FAT3: variants seen among roughly 807,000 people sequenced by gnomAD.
FAT3 encodes FAT atypical cadherin 3, also known as protocadherin Fat 3.
Under a neutral mutation model 310.2 loss-of-function variants are expected in FAT3, and 95 were observed. That is an observed-to-expected ratio of 0.31 (90% confidence interval 0.26 to 0.36). The LOEUF (loss-of-function observed/expected upper bound fraction) is 0.36, where lower values mean the gene tolerates loss of function less well. FAT3 is among the 10% of genes least tolerant of loss of function. The probability of loss-of-function intolerance (pLI) is 1.00; values close to 1 mark genes in which losing one functional copy is unlikely to be tolerated. For synonymous variants in FAT3, 2,314 were observed against 2,192.9 expected (o/e 1.06, Z -1.54); for missense variants, 5,408 against 5,715.6 (o/e 0.95, Z 1.74).
chr11:92,780,102 C>G (rs919761121), intron 7 of FAT3, among the ~76,000 whole-genome samples: 1 of 152,020 alleles, frequency 6.6e-6, no homozygotes. Context: ...GAGTCCTCAC[C>G]TACACAACTA....
At chr11:92,409,756 C>A (rs1246697226) in intron 2 of FAT3, among the ~76,000 whole-genome samples, 1 of 152,110 alleles carries the variant, frequency 6.6e-6, no homozygotes, top group South Asian at 2.1e-4. Context: ...AGCATGATTG[C>A]AGGGTAGTGC....
chr11:92,359,613 A>G (rs139484186), intron 2 of FAT3, among the ~76,000 whole-genome samples: 9,268 of 145,562 alleles, frequency 0.064, 991 homozygotes, highest in African/African-American at 0.22. Context: ...ATATCTCCCA[A>G]TGCTATCCCT....
At chr11:92,436,053 A>G (rs1022696142) in intron 2 of FAT3, among the ~76,000 whole-genome samples, 2 of 152,086 alleles carry the variant, frequency 1.3e-5, no homozygotes, top group Admixed American at 6.5e-5. Context: ...CATCCTAACA[A>G]TTCACAGGCC....
intron 1 of FAT3, among the ~76,000 whole-genome samples, chr11:92,276,432 C>G (rs1340616095): frequency 6.6e-6 from 1 of 152,140 alleles, no homozygotes; most frequent in Admixed American, 6.6e-5. Context: ...ACGCCAGGAT[C>G]TTGACCTTGG....
At chr11:92,639,797 G>T (rs890904235) in intron 3 of FAT3, among the ~76,000 whole-genome samples, 1 of 152,174 alleles carries the variant, frequency 6.6e-6, no homozygotes, top group Middle Eastern at 3.4e-3. Flanking sequence ...TAGCATTATG[G>T]GCTATCTGGG....
At chr11:92,594,597 C>T (rs1939609489) in intron 3 of FAT3, among the ~76,000 whole-genome samples, 1 of 152,110 alleles carries the variant, frequency 6.6e-6, no homozygotes, top group African/African-American at 2.4e-5. Flanking sequence ...CACATCTTTT[C>T]AGTACCTAGT....
At chr11:92,613,042 A>T (rs189722726) in intron 3 of FAT3, among the ~76,000 whole-genome samples, 13 of 152,334 alleles carry the variant, frequency 8.5e-5, no homozygotes, top group African/African-American at 3.1e-4. Context: ...ACCTCACTGA[A>T]AATGTATCCT....
chr11:92,884,930 G>A (rs1949764095), intron 24 of FAT3, among the ~76,000 whole-genome samples: 1 of 152,188 alleles, frequency 6.6e-6, no homozygotes, highest in South Asian at 2.1e-4. Flanking sequence ...CTACATGTGG[G>A]CTTTGGGCAG....
intron 4 of FAT3, among the ~76,000 whole-genome samples, chr11:92,713,788 T>A (rs896531088): frequency 6.6e-6 from 1 of 152,218 alleles, no homozygotes; most frequent in African/African-American, 2.4e-5. Flanking sequence ...AAAAACATAA[T>A]AGTATGTATA....
chr11:92,808,011 T>C (rs1207629725), intron 12 of FAT3, among the ~76,000 whole-genome samples: 2 of 152,148 alleles, frequency 1.3e-5, no homozygotes, highest in African/African-American at 4.8e-5. Context: ...TGCCCCAGTC[T>C]TGTAAGAGGT....
chr11:92,323,211 A>T (rs1196527259), intron 1 of FAT3, among the ~76,000 whole-genome samples: 1 of 151,938 alleles, frequency 6.6e-6, no homozygotes, highest in Non-Finnish European at 1.5e-5. Context: ...ATATATATAC[A>T]TATACATACA....
Position 92,524,781 on chromosome 11 carries a change from T to A in FAT3, c.3440T>A (p.Leu1147Gln), listed in dbSNP as rs373484493. The change falls in exon 3 of 28, where the codon CTG (leucine) becomes CAG (glutamine). Residue 1147 changes from leucine to glutamine, a missense_variant. Physicochemically the swap from Leu to Gln is moderately radical, Grantham distance 113 (BLOSUM62 -2). Around this residue, in one of 5 missense-constraint regions of FAT3, gnomAD observed 4,588 missense variants for 4,809.8 expected, o/e 0.95. Transcript: ENST00000525166. ...EVEDVNDNAP[L>Q]TSEPIYYPVV... ...GAAGATGTGAATGACAATGCCCCGC[T>A]GACCTCAGAACCTATATATTATCCT... 4.3e-6 allele frequency: 7 copies of A among 1,613,710 alleles called. No homozygotes were observed. The highest frequency in any genetic ancestry group is 5.9e-6 in the Non-Finnish European group (7 of 1,179,836).
At chr11:92,631,467 A>G (rs1941554903) in intron 3 of FAT3, among the ~76,000 whole-genome samples, 1 of 152,040 alleles carries the variant, frequency 6.6e-6, no homozygotes, top group African/African-American at 2.4e-5. Context: ...GGTTTTTCCC[A>G]TGCCTTTCTC....
chr11:92,767,882 T>C (rs2136102805), intron 6 of FAT3, among the ~76,000 whole-genome samples: 1 of 152,292 alleles, frequency 6.6e-6, no homozygotes, highest in South Asian at 2.1e-4. Flanking sequence ...GCCACTATGC[T>C]AACCCTACTG....
chr11:92,646,440 C>T (rs1276578560), intron 3 of FAT3, among the ~76,000 whole-genome samples: 1 of 152,168 alleles, frequency 6.6e-6, no homozygotes, highest in African/African-American at 2.4e-5. Flanking sequence ...GTCACCAAGG[C>T]CAGCCCAGAT....
chr11:92,498,348 T>C, intron 2 of FAT3: 1 of 237,284 alleles, frequency 4.2e-6, no homozygotes, highest in South Asian at 7.3e-5. Context: ...AGCCTTTTCT[T>C]TGTCTTTTCC....
chr11:92,674,809 A>G (rs1162199569), intron 3 of FAT3, among the ~76,000 whole-genome samples: 1 of 152,182 alleles, frequency 6.6e-6, no homozygotes, highest in Non-Finnish European at 1.5e-5. Flanking sequence ...GATTACAGGC[A>G]TAAGCCACTA....
At chr11:92,555,885 TG>T (rs2135453728) in intron 3 of FAT3, among the ~76,000 whole-genome samples, 1 of 152,350 alleles carries the variant, frequency 6.6e-6, no homozygotes, top group Admixed American at 6.5e-5. Flanking sequence ...GTTAAGAGTG[TG>T]ATTTTGCATT....
intron 3 of FAT3, among the ~76,000 whole-genome samples, chr11:92,550,425 T>C (rs891769696): frequency 1.3e-5 from 2 of 152,342 alleles, no homozygotes; most frequent in South Asian, 2.1e-4. Context: ...CAGATTTAAA[T>C]ATATATACTG....
Sources: allele counts gnomAD v4.1 joint callset (sites outside exome capture counted in the v4.1 genomes callset), GRCh38; gene constraint gnomAD v4.1.1; regional missense constraint gnomAD v4.1.1; transcripts MANE v1.5; gene names NCBI Gene and HGNC (gene_info 2026-07-23, HGNC 2026-07-21).